HTR2C: variants seen among roughly 807,000 people sequenced by gnomAD.
The protein encoded by HTR2C is 5-hydroxytryptamine (serotonin) receptor 2C, G protein-coupled.
In HTR2C, 5 loss-of-function variants were observed where a neutral mutation model predicts 21.0. That is an observed-to-expected ratio of 0.24 (90% CI 0.12 to 0.50). HTR2C has a LOEUF of 0.50. Ranked by LOEUF, HTR2C falls within the 20% of genes least tolerant of loss-of-function variation. The pLI is 0.98. For synonymous variants in HTR2C, 150 were observed against 145.3 expected (o/e 1.03, Z -0.23); for missense variants, 271 against 371.2 (o/e 0.73, Z 2.22).
chrX:114,727,117 G>T (rs1032205655), intron 3 of HTR2C, 146 bp downstream of exon 3: 49 of 362,178 alleles, frequency 1.4e-4, no homozygotes, highest in African/African-American at 1.3e-3. Flanking sequence ...CTAATATTAT[G>T]GGTGTTTCCT....
intron 5 of HTR2C, among the ~76,000 whole-genome samples, chrX:114,870,458 C>T (rs1204300376): frequency 9.0e-6 from 1 of 111,437 alleles, no homozygotes; most frequent in Non-Finnish European, 1.9e-5. Flanking sequence ...TATGGCAGTA[C>T]TCCCTCCTCT....
intron 5 of HTR2C, among the ~76,000 whole-genome samples, chrX:114,859,962 G>A (rs1350806281): frequency 9.0e-6 from 1 of 111,248 alleles, no homozygotes; most frequent in Non-Finnish European, 1.9e-5. Context: ...CAGACTTCAG[G>A]AAATTTTCAA....
At chrX:114,676,598 CAT>C (rs782206686) in intron 2 of HTR2C, among the ~76,000 whole-genome samples, 128 of 112,479 alleles carry the variant, frequency 1.1e-3, no homozygotes, top group African/African-American at 3.8e-3. Flanking sequence ...TTGTAATACA[CAT>C]ATTTTATTTC....
At chrX:114,727,808 G>C (rs1002997167) in intron 3 of HTR2C, among the ~76,000 whole-genome samples, 9 of 111,686 alleles carry the variant, frequency 8.1e-5, no homozygotes, top group African/African-American at 2.9e-4. Context: ...GGCCCATCTT[G>C]AGTGTCATTG....
chrX:114,836,526 C>T (rs1008154515), intron 4 of HTR2C, among the ~76,000 whole-genome samples: 62 of 112,438 alleles, frequency 5.5e-4, no homozygotes, highest in African/African-American at 1.7e-3. Context: ...TGACCCCTTG[C>T]GCTTCCCAAG....
intron 2 of HTR2C, among the ~76,000 whole-genome samples, chrX:114,707,642 C>G (rs1162586256): frequency 9.0e-6 from 1 of 110,728 alleles, no homozygotes; most frequent in African/African-American, 3.3e-5. Flanking sequence ...TATGCTGAAC[C>G]TGCAACTATT....
chrX:114,800,484 G>A (rs1398384947), intron 4 of HTR2C, among the ~76,000 whole-genome samples: 2 of 111,230 alleles, frequency 1.8e-5, no homozygotes, highest in African/African-American at 6.5e-5. Context: ...TGCCCCGGAA[G>A]TAACTCGTGG....
chrX:114,864,159 C>T (rs1287527362), intron 5 of HTR2C, among the ~76,000 whole-genome samples: 5 of 108,742 alleles, frequency 4.6e-5, no homozygotes, highest in African/African-American at 1.3e-4. Context: ...TAAGGACTTG[C>T]TACTGCCATT....
chrX:114,612,892 T>C (rs1420904729), intron 1 of HTR2C, among the ~76,000 whole-genome samples: 6 of 110,966 alleles, frequency 5.4e-5, no homozygotes, highest in Non-Finnish European at 7.6e-5. Context: ...GGCTACTTCA[T>C]AGAGCAGCCC....
At chrX:114,593,864 A>G (rs1927729723) in intron 1 of HTR2C, among the ~76,000 whole-genome samples, 1 of 111,909 alleles carries the variant, frequency 8.9e-6, no homozygotes, top group African/African-American at 3.2e-5. Flanking sequence ...AGTTGATTTT[A>G]TGCCCCAGAA....
chrX:114,806,176 C>T (rs983702043), intron 4 of HTR2C, among the ~76,000 whole-genome samples: 4 of 98,512 alleles, frequency 4.1e-5, no homozygotes, highest in African/African-American at 1.5e-4. Context: ...CATATATACA[C>T]CCTATATATA....
At chrX:114,789,933 C>T (rs1377758383) in intron 4 of HTR2C, among the ~76,000 whole-genome samples, 6 of 111,994 alleles carry the variant, frequency 5.4e-5, no homozygotes, top group Non-Finnish European at 1.1e-4. Context: ...ATATGTTTAG[C>T]ATTCTAAGAA....
chrX:114,715,311 G>C (rs782081122), intron 2 of HTR2C: 1 of 383,475 alleles, frequency 2.6e-6, no homozygotes, highest in Non-Finnish European at 5.2e-6. Context: ...ATACATCTGG[G>C]CAACTGACTG....
intron 4 of HTR2C, among the ~76,000 whole-genome samples, chrX:114,746,958 C>T (rs1360452718): frequency 3.6e-5 from 4 of 110,628 alleles, no homozygotes; most frequent in African/African-American, 1.3e-4. Context: ...GCACTCCAGC[C>T]TGGGCGACAG....
intron 4 of HTR2C, among the ~76,000 whole-genome samples, chrX:114,799,789 T>G (rs149655146): frequency 0.05 from 5,542 of 110,602 alleles, 342 homozygotes; most frequent in African/African-American, 0.17. Context: ...TAATTATAAT[T>G]TGTCTATTTG....
At position 114,775,489 on chromosome X, in the gene HTR2C, A is replaced by G. The variant is rs782075542; in HGVS notation, c.349+43882A>G. 5.6e-5 allele frequency: 28 copies of G among 502,693 alleles called. No homozygotes were observed. In the East Asian group the frequency reaches 1.0e-3, roughly 19 times the overall value. The allele number at this position is 502,693 out of a possible 1,213,427, so 41.4% of individuals were successfully genotyped here. On this transcript the variant is annotated intron_variant, in intron 4 of 5. Transcript: ENST00000276198. ...TGGTTGTCAGAATAGATAGGCTGTC[A>G]GAAGGTCTCTGTCTGCTTGGTAGGA...
At chrX:114,706,462 A>G (rs1353022883) in intron 2 of HTR2C, among the ~76,000 whole-genome samples, 2 of 104,605 alleles carry the variant, frequency 1.9e-5, no homozygotes, top group African/African-American at 7.0e-5. Context: ...GCAAGGAAAA[A>G]AAACCAAACA....
chrX:114,742,712 TTTTTTTTTTTTTTAA>T (rs1197463707), intron 4 of HTR2C, among the ~76,000 whole-genome samples: 8 of 9,576 alleles, frequency 8.4e-4, no homozygotes, highest in African/African-American at 2.1e-3. Context: ...GCAGCTACTG[TTTTTTTTTTTTTTAA>T]TTTTTTTTTT....
chrX:114,874,780 AT>A (rs1308239900), intron 5 of HTR2C, among the ~76,000 whole-genome samples: 1 of 111,342 alleles, frequency 9.0e-6, no homozygotes, highest in Non-Finnish European at 1.9e-5. Context: ...AAGTGCTGGG[AT>A]TACAGGTGTG....
Sources: gnomAD v4.1 joint callset for allele counts (sites outside exome capture counted in the v4.1 genomes callset) on GRCh38, gnomAD v4.1.1 for gene constraint, MANE v1.5 for transcripts, NCBI Gene and HGNC (gene_info 2026-07-23, HGNC 2026-07-21) for gene names.